WDR64: variants seen among roughly 807,000 people sequenced by gnomAD.
WDR64 encodes WD repeat domain 64, also known as WD repeat-containing protein 64.
In WDR64, 112 loss-of-function variants were observed where a neutral mutation model predicts 139.3. The observed-to-expected ratio is 0.80, with a 90% CI of 0.69 to 0.94. The LOEUF (loss-of-function observed/expected upper bound fraction) is 0.94. WDR64 is among the 40% of genes least tolerant of loss of function. WDR64 has a pLI of 0.00. For synonymous variants in WDR64, 444 were observed against 437.7 expected, an observed-to-expected ratio of 1.01 and a Z score of -0.18; for missense variants, 1,206 against 1,293.1, an observed-to-expected ratio of 0.93 and a Z score of 1.03.
At chr1:241,777,939 A>G (rs892159460) in intron 21 of WDR64, among the ~76,000 whole-genome samples, 2 of 152,102 alleles carry the variant, frequency 1.3e-5, no homozygotes, top group Admixed American at 6.6e-5. Flanking sequence ...AACATGATCT[A>G]TCTTGGGGAA....
chr1:241,728,662 G>A (rs186163244), intron 10 of WDR64, among the ~76,000 whole-genome samples: 1 of 152,228 alleles, frequency 6.6e-6, no homozygotes, highest in East Asian at 1.9e-4. Context: ...GAACAGATGT[G>A]CCACATCTAT....
chr1:241,657,645 T>C (rs1460161733), intron 1 of WDR64, among the ~76,000 whole-genome samples: 1 of 152,138 alleles, frequency 6.6e-6, no homozygotes, highest in Non-Finnish European at 1.5e-5. Flanking sequence ...TTTACCCACC[T>C]CCTTAAAGAG....
intron 10 of WDR64, among the ~76,000 whole-genome samples, chr1:241,724,326 A>G (rs1668720392): frequency 6.6e-6 from 1 of 152,180 alleles, no homozygotes; most frequent in South Asian, 2.1e-4. Context: ...GGAAGATATA[A>G]TTATGAGATG....
At chr1:241,705,546 A>AAAATAAAT (rs566830899) in intron 8 of WDR64, among the ~76,000 whole-genome samples, 7,206 of 130,378 alleles carry the variant, frequency 0.055, 255 homozygotes, top group Admixed American at 0.076. Context: ...TGTCTCTAAA[A>AAAATAAAT]AAATAAATAA....
intron 23 of WDR64, among the ~76,000 whole-genome samples, chr1:241,784,953 G>GAAAAAAAAAAAAAAAAAAAAAAAAAAAA (rs58720618): frequency 1.6e-5 from 1 of 62,250 alleles, no homozygotes; most frequent in African/African-American, 5.4e-5. Context: ...GACTCTGTCT[G>GAAAAAAAAAAAAAAAAAAAAAAAAAAAA]AAAAAAAAAA....
chr1:241,740,426 T>C (rs1308367418), intron 11 of WDR64, among the ~76,000 whole-genome samples: 2 of 152,190 alleles, frequency 1.3e-5, no homozygotes, highest in African/African-American at 4.8e-5. Context: ...TACAACCAGA[T>C]GAGCCATCTC....
At chr1:241,695,894 A>C (rs1574016080) in intron 8 of WDR64, among the ~76,000 whole-genome samples, 1 of 151,928 alleles carries the variant, frequency 6.6e-6, no homozygotes, top group Non-Finnish European at 1.5e-5. Flanking sequence ...TGGGAGAATC[A>C]CTCGAGCCCA....
rs6688295 is a variant in WDR64 at position 241,782,154 on chromosome 1, G to A, written c.2596-1118G>A. On this transcript the variant is annotated intron_variant, in intron 22 of 27. Coordinates refer to ENST00000437684, the MANE Select transcript of WDR64 (RefSeq NM_001367482.1). ...ACAAAAAAAATTAGCTGGGCGTGGC[G>A]GCACGTGCCGGTAGTCACAGCTACT... Among the ~76,000 whole-genome samples, 987 of 152,286 alleles carry A rather than the reference G, an allele frequency of 6.5e-3. 11 individuals carry two copies. The highest frequency in any genetic ancestry group is 0.023 in the African/African-American group (942 of 41,562).
Position 241,787,920 on chromosome 1 carries a change from C to T in WDR64, c.2777C>T (p.Thr926Ile). The T allele has an allele frequency of 6.2e-7, 1 of 1,612,504 alleles. No homozygotes were observed. The highest frequency in any genetic ancestry group is 1.1e-5 in the South Asian group (1 of 90,798). Residue 926 changes from threonine (T) to isoleucine (I), a missense_variant, in exon 24 of 28, where the codon ACA (threonine) becomes ATA (isoleucine). Coordinates refer to ENST00000437684, the MANE Select transcript of WDR64 (RefSeq NM_001367482.1). ...GQRRLFELSQTRDFILPCDVT... is the reference protein window; with the variant it reads ...GQRRLFELSQIRDFILPCDVT... ...CGAAGGCTCTTTGAATTATCACAGA[C>T]AAGAGATTTCATTTTGCCTTGTGAT...
At chr1:241,663,154 T>C (rs1303099898) in intron 2 of WDR64, among the ~76,000 whole-genome samples, 3 of 152,170 alleles carry the variant, frequency 2.0e-5, no homozygotes, top group African/African-American at 4.8e-5. Flanking sequence ...GAAAGTATCA[T>C]GGGATAACTC....
At chr1:241,770,046 G>A (rs577993345) in intron 17 of WDR64, among the ~76,000 whole-genome samples, 1 of 152,286 alleles carries the variant, frequency 6.6e-6, no homozygotes, top group Admixed American at 6.5e-5. Context: ...CATAGCTTTG[G>A]AGAGAAATCA....
At chr1:241,799,842 T>A (rs952357841) in intron 27 of WDR64, among the ~76,000 whole-genome samples, 1 of 152,164 alleles carries the variant, frequency 6.6e-6, no homozygotes, top group Admixed American at 6.6e-5. Context: ...TCCTCACTGA[T>A]GTAATTTTTT....
chr1:241,750,533 A>G (rs1482389899), intron 14 of WDR64, among the ~76,000 whole-genome samples: 1 of 152,240 alleles, frequency 6.6e-6, no homozygotes, highest in East Asian at 1.9e-4. Flanking sequence ...TTTCTTAGTA[A>G]TAATACACTC....
chr1:241,662,976 A>G (rs574164741), intron 2 of WDR64, among the ~76,000 whole-genome samples: 2 of 152,328 alleles, frequency 1.3e-5, no homozygotes, highest in Non-Finnish European at 2.9e-5. Context: ...AAGAATATCC[A>G]ATAGAATTAT....
intron 2 of WDR64, among the ~76,000 whole-genome samples, chr1:241,660,943 A>G (rs935054210): frequency 6.6e-6 from 1 of 152,202 alleles, no homozygotes; most frequent in Non-Finnish European, 1.5e-5. Flanking sequence ...CAAGATTTTA[A>G]TGGTCGTCAT....
chr1:241,750,144 CT>C lies in WDR64; in HGVS notation c.1770+425del, dbSNP rs543781417. Among the ~76,000 whole-genome samples, 4 of 152,284 alleles carry C rather than the reference CT, an allele frequency of 2.6e-5. No individual in the cohort carries two copies. The South Asian group carries it at 8.3e-4, about 32-fold the overall frequency. On this transcript the variant is annotated intron_variant, in intron 14 of 27. Transcript: ENST00000437684. Reference sequence around the variant, plus strand: ...CTTTTCCAGTTTGTCACCAAAATCGCTTTGTTTATTTTAAGGTTAATGACGC... The same window carrying C: ...CTTTTCCAGTTTGTCACCAAAATCGCTTGTTTATTTTAAGGTTAATGACGC...
At position 241,766,281 on chromosome 1, in the gene WDR64, T is replaced by G; in HGVS notation, c.2011T>G (p.Leu671Val). 6.2e-7 allele frequency: 1 copy of G among 1,614,154 alleles called. No individual in the cohort carries two copies. The highest frequency in any genetic ancestry group is 8.5e-7 in the Non-Finnish European group (1 of 1,180,030). Residue 671 changes from leucine (L) to valine (V), a missense_variant, in exon 16 of 28, where the codon TTG becomes GTG. Physicochemically the swap from Leu to Val is conservative, Grantham distance 32. Coordinates refer to ENST00000437684, the MANE Select transcript of WDR64 (RefSeq NM_001367482.1). ...IDLLQVEGYNLIAAGTLNGVI... is the reference protein window; with the variant it reads ...IDLLQVEGYNVIAAGTLNGVI... ...TTTACTACAAGTAGAAGGATATAAT[T>G]TGATAGCAGCTGGAACCTTAAATGG...
intron 1 of WDR64, among the ~76,000 whole-genome samples, chr1:241,658,465 C>A (rs1187634700): frequency 1.3e-5 from 2 of 151,708 alleles, no homozygotes; most frequent in African/African-American, 4.8e-5. Context: ...CATAGTGAGA[C>A]CCTGTCTCTG....
chr1:241,776,475 T>C (rs1035547268), intron 21 of WDR64, among the ~76,000 whole-genome samples: 18 of 152,196 alleles, frequency 1.2e-4, no homozygotes, highest in Non-Finnish European at 2.2e-4. Flanking sequence ...TATTTGTATA[T>C]AGCATTATAA....
Sources: gnomAD v4.1 joint callset for allele counts (sites outside exome capture counted in the v4.1 genomes callset) on GRCh38, gnomAD v4.1.1 for gene constraint, MANE v1.5 for transcripts, NCBI Gene and HGNC (gene_info 2026-07-23, HGNC 2026-07-21) for gene names.